The following SHOC1 variants were observed in gnomAD, a reference collection of about 807,000 sequenced individuals.
SHOC1 encodes the protein protein shortage in chiasmata 1 ortholog.
In SHOC1, 136 loss-of-function variants were observed where a neutral mutation model predicts 179.2. That is an observed-to-expected ratio of 0.76 (90% CI 0.66 to 0.87). The LOEUF is 0.87. SHOC1 is among the 40% of genes least tolerant of loss of function. The pLI, the probability that SHOC1 is intolerant of heterozygous loss-of-function variation, is 0.00. For synonymous variants in SHOC1, 489 were observed against 586.6 expected (o/e 0.83, Z 2.41); for missense variants, 1,538 against 1,700.8 (o/e 0.90, Z 1.68).
rs113411781 is a variant in SHOC1, at chr9:111,693,255, G to A, written c.3465+544C>T. Among the ~76,000 whole-genome samples, 445 of 151,398 alleles carry A rather than the reference G, an allele frequency of 2.9e-3. 2 individuals are homozygous for A. The highest frequency in any genetic ancestry group is 9.9e-3 in the African/African-American group (408 of 41,226). Reference sequence around the variant, plus strand: ...CAGGAGCTGGAGACTGCAGTGAGCCGAGATCAAGCCATTGCACTCCAGCCT... The same window carrying A: ...CAGGAGCTGGAGACTGCAGTGAGCCAAGATCAAGCCATTGCACTCCAGCCT... On this transcript the variant is annotated intron_variant, in intron 26 of 27. Coordinates refer to ENST00000682961, the MANE Select transcript of SHOC1 (RefSeq NM_001378211.1).
At chr9:111,759,078 A>AT in intron 5 of SHOC1, 1 of 1,440,772 alleles carries the variant, frequency 6.9e-7, no homozygotes, top group South Asian at 1.4e-5. Context: ...GAATAGCCAA[A>AT]TATCCCAAAA....
Position 111,791,569 on chromosome 9 carries a change from T to C in SHOC1, c.-36-115A>G, listed in dbSNP as rs368705296. ...TTAAAAAGGCTCTGAATGATAATCA[T>C]TGGTAAAAATAATATACATTACTAT... On this transcript the variant is annotated intron_variant, in intron 1 of 27. Coordinates refer to ENST00000682961, the MANE Select transcript of SHOC1 (RefSeq NM_001378211.1). 217 of 412,174 alleles carry C rather than the reference T, an allele frequency of 5.3e-4. 2 individuals are homozygous for C. The South Asian group carries it at 0.013, about 24-fold the overall frequency. 25.5% of individuals were successfully genotyped at this position (412,174 alleles called of 1,614,324 possible). A position where few individuals can be genotyped will look rare whatever the true frequency, so the allele number is the denominator to read the frequency against.
Position 111,692,346 on chromosome 9 carries a change from G to A in SHOC1, c.3631C>T (p.Gln1211Ter), listed in dbSNP as rs1487281815. The A allele has an allele frequency of 1.9e-6, 3 of 1,611,526 alleles. No individual in the cohort carries two copies. The highest frequency in any genetic ancestry group is 1.7e-5 in the Admixed American group (1 of 59,956). The change falls in exon 27 of 28, where the codon CAG (glutamine) becomes TAG (stop). Residue 1211 changes from glutamine to a stop codon, truncating the protein, a stop_gained. Coordinates refer to ENST00000682961, the MANE Select transcript of SHOC1 (RefSeq NM_001378211.1). LOFTEE classifies it high-confidence loss of function. ...SVIQEHNEYY[Q>*]YLGLGETVQE... Reference sequence around the variant, plus strand: ...ACTGTCTCTCCTAATCCTAAATACTGATAATATTCATTATGTTCTTGAATG... The same window carrying A: ...ACTGTCTCTCCTAATCCTAAATACTAATAATATTCATTATGTTCTTGAATG...
At chr9:111,722,388 G>A (rs1007559518) in intron 15 of SHOC1, 21 bp downstream of exon 15, 13 of 1,558,982 alleles carry the variant, frequency 8.3e-6, no homozygotes, top group African/African-American at 2.8e-5. Context: ...TTTAAATAAC[G>A]TGACTTTTAT....
At chr9:111,775,586 G>C (rs1037825338) in intron 5 of SHOC1, among the ~76,000 whole-genome samples, 2 of 152,018 alleles carry the variant, frequency 1.3e-5, no homozygotes, top group African/African-American at 2.4e-5. Flanking sequence ...TTGAGGCCCA[G>C]CAAATTAAAC....
intron 16 of SHOC1, among the ~76,000 whole-genome samples, chr9:111,715,865 T>A (rs1305144777): frequency 6.6e-6 from 1 of 152,148 alleles, no homozygotes; most frequent in Non-Finnish European, 1.5e-5. Flanking sequence ...AATACTGAAT[T>A]TATTTCTGGG....
chr9:111,699,923 A>G (rs200059250), intron 24 of SHOC1, 31 bp downstream of exon 24: 200 of 1,461,548 alleles, frequency 1.4e-4, no homozygotes, highest in Middle Eastern at 1.1e-3. Flanking sequence ...TATAAAAAAT[A>G]CTTATGAAGA....
rs537493512 is a variant in SHOC1, at chr9:111,785,596, T to C, written c.169+316A>G. On this transcript the variant is annotated intron_variant, in intron 3 of 27. Coordinates refer to ENST00000682961, the MANE Select transcript of SHOC1 (RefSeq NM_001378211.1). ...TTTATATTCGGTGTGCCATTACAAC[T>C]TGAAGTAGGCCTCAGATAGTCAAGA... Among the ~76,000 whole-genome samples, 741 of 152,338 alleles carry C rather than the reference T, an allele frequency of 4.9e-3. 8 individuals are homozygous for C. Among genetic ancestry groups the C allele is most frequent in the African/African-American group, 0.017 (707 of 41,588 alleles).
At chr9:111,751,544 G>A (rs916518819) in intron 8 of SHOC1, among the ~76,000 whole-genome samples, 2 of 151,982 alleles carry the variant, frequency 1.3e-5, no homozygotes, top group African/African-American at 4.8e-5. Flanking sequence ...AAAAGGCTAC[G>A]TCTCAGTTCT....
intron 27 of SHOC1, 33 bp from the exon 28 acceptor site, chr9:111,686,903 T>G (rs778589608): frequency 2.3e-6 from 3 of 1,321,782 alleles, no homozygotes; most frequent in African/African-American, 2.9e-5. Context: ...AACCATTTTA[T>G]TGCTTACAAT....
At position 111,786,572 on chromosome 9, in the gene SHOC1, C is replaced by T. The variant is rs546938376; in HGVS notation, c.46-537G>A. Among the ~76,000 whole-genome samples the T allele has an allele frequency of 5.4e-5, 7 of 129,576 alleles. No individual in the cohort carries two copies. The East Asian group carries it at 1.6e-3, about 30-fold the overall frequency. The allele number at this position is 129,576 out of a possible 152,430, so 85.0% of individuals were successfully genotyped here. ...GCAACCCCATGATGAGCAAATCTGT[C>T]TCTGCCATTTTTCCAAAAGCATGTG... On this transcript the variant is annotated intron_variant, in intron 2 of 27. Transcript: ENST00000682961.
At chr9:111,706,809 T>A in intron 19 of SHOC1, 63 bp from the exon 20 acceptor site, 1 of 1,150,124 alleles carries the variant, frequency 8.7e-7, no homozygotes, top group Non-Finnish European at 1.2e-6. Context: ...GTTGAACTAT[T>A]AAAAGATGAC....
intron 4 of SHOC1, among the ~76,000 whole-genome samples, chr9:111,779,800 C>A (rs1219640652): frequency 2.6e-5 from 4 of 152,054 alleles, no homozygotes; most frequent in Non-Finnish European, 4.4e-5. Context: ...TAATAAGATC[C>A]TCAGGGGATT....
rs760309905 is a variant in SHOC1, at chr9:111,746,216, GA to G, written c.1079+17del. 3 of 1,471,690 alleles carry G rather than the reference GA, an allele frequency of 2.0e-6. No individual in the cohort carries two copies. The highest frequency in any genetic ancestry group is 2.9e-6 in the Non-Finnish European group (3 of 1,051,666). 91.2% of individuals were successfully genotyped at this position (1,471,690 alleles called of 1,614,324 possible). On this transcript the variant is annotated intron_variant, in intron 10 of 27. Transcript: ENST00000682961. ...GTTCTGAATTGCAACATGGGTTCTA[GA>G]TATAATCTTTACTTACATTTTACAA...
Position 111,789,916 on chromosome 9 carries a change from TTTC to T in SHOC1, c.45+1455_45+1457del, listed in dbSNP as rs201009804. ...TAAAACCAGAAGATGCCTGCATGTC[TTTC>T]TTATTTCCTGTAAAATGTAGCACAG... is the stretch of plus-strand genomic sequence containing the variant. On this transcript the variant is annotated intron_variant, in intron 2 of 27. Transcript: ENST00000682961. Among the ~76,000 whole-genome samples the T allele has an allele frequency of 7.8e-3, 1,194 of 152,346 alleles. 15 individuals are homozygous for T. The highest frequency in any genetic ancestry group is 0.025 in the African/African-American group (1,047 of 41,576).
Position 111,706,647 on chromosome 9 carries a change from A to G in SHOC1, c.2658T>C (p.Ser886=). Residue 886 remains serine (S), a synonymous_variant, in exon 20 of 28, where the codon TCT becomes TCC. Transcript: ENST00000682961. ...ACTCTTTGCAGTGTTTAGTCCAACAAGAGTCTTCCACATAATTGTATTCCA... is the reference window on the plus strand; with the variant it reads ...ACTCTTTGCAGTGTTTAGTCCAACAGGAGTCTTCCACATAATTGTATTCCA... The part of the protein sequence containing the change: ...FVVEYNYVED[S]CWTKHCKELN... 2 of 1,609,624 alleles carry G rather than the reference A, an allele frequency of 1.2e-6. No homozygotes were observed. Among genetic ancestry groups the G allele is most frequent in the Non-Finnish European group, 8.5e-7 (1 of 1,177,300 alleles).
At chr9:111,786,503 ATTTT>A (rs34413616) in intron 2 of SHOC1, among the ~76,000 whole-genome samples, 82 of 110,228 alleles carry the variant, frequency 7.4e-4, no homozygotes, top group African/African-American at 8.5e-4. Flanking sequence ...TGCTCTGCAG[ATTTT>A]TTTTTTTTTT....
At chr9:111,729,109 T>G (rs7848367) in intron 12 of SHOC1, among the ~76,000 whole-genome samples, 123,915 of 151,834 alleles carry the variant, frequency 0.82, 50,757 homozygotes, top group East Asian at 0.92. Flanking sequence ...AGGTGGGGGG[T>G]TCTTTTTTCT....
intron 4 of SHOC1, among the ~76,000 whole-genome samples, chr9:111,779,277 T>C (rs1309597395): frequency 6.6e-6 from 1 of 152,070 alleles, no homozygotes; most frequent in Admixed American, 6.6e-5. Flanking sequence ...AGACAGAAAG[T>C]AGATTCTGAT....
Sources: allele counts gnomAD v4.1 joint callset (sites outside exome capture counted in the v4.1 genomes callset), GRCh38; gene constraint gnomAD v4.1.1; transcripts MANE v1.5; gene names NCBI Gene and HGNC (gene_info 2026-07-23, HGNC 2026-07-21).